Variants in VAC14 observed in about 807,000 individuals in gnomAD.
VAC14 encodes the protein protein VAC14 homolog.
A neutral mutation model predicts 85.3 loss-of-function variants in VAC14; 47 were observed. That is an observed-to-expected ratio of 0.55 (90% confidence interval 0.44 to 0.70). The LOEUF is 0.70. VAC14 is among the 30% of genes least tolerant of loss of function. The pLI is 0.00. For missense variants in VAC14, 861 were observed against 1,004.3 expected (o/e 0.86, Z 1.93); for synonymous variants, 447 against 430.5 (o/e 1.04, Z -0.47).
chr16:70,695,876 G>C, intron 16 of VAC14: 1 of 398,052 alleles, frequency 2.5e-6, no homozygotes, highest in Non-Finnish European at 4.6e-6. Context: ...GGCTGGGAGA[G>C]GCTCTTATCA....
At chr16:70,776,082 C>T (rs1208209534) in intron 9 of VAC14, among the ~76,000 whole-genome samples, 1 of 152,066 alleles carries the variant, frequency 6.6e-6, no homozygotes, top group Admixed American at 6.6e-5. Flanking sequence ...TAAAATGACA[C>T]CCACCATAAG....
intron 13 of VAC14, among the ~76,000 whole-genome samples, chr16:70,742,411 A>C (rs1597918655): frequency 6.9e-6 from 1 of 145,452 alleles, no homozygotes. Flanking sequence ...CCCACACTCC[A>C]CCTCTGGCAT....
chr16:70,702,816 G>C (rs529779052), intron 14 of VAC14, among the ~76,000 whole-genome samples: 62 of 152,300 alleles, frequency 4.1e-4, no homozygotes, highest in Admixed American at 2.7e-3. Flanking sequence ...TCCACACCGG[G>C]ATCTGTACAG....
intron 12 of VAC14, among the ~76,000 whole-genome samples, chr16:70,761,773 T>G (rs1428375037): frequency 6.6e-6 from 1 of 152,066 alleles, no homozygotes; most frequent in Non-Finnish European, 1.5e-5. Context: ...AAGGCAAAGC[T>G]TAAGGGTCCA....
At chr16:70,724,645 G>A (rs113135491) in intron 14 of VAC14, among the ~76,000 whole-genome samples, 3,188 of 152,290 alleles carry the variant, frequency 0.021, 97 homozygotes, top group African/African-American at 0.071. Flanking sequence ...AGCGGCTCCT[G>A]CTGCACACAC....
chr16:70,790,673 C>A (rs936164723), intron 1 of VAC14, among the ~76,000 whole-genome samples: 3 of 152,082 alleles, frequency 2.0e-5, no homozygotes, highest in African/African-American at 7.2e-5. Flanking sequence ...TCCCTCCCCA[C>A]CCCCTCACCT....
chr16:70,725,239 C>CTCGAGAT (rs1408700104), intron 14 of VAC14, among the ~76,000 whole-genome samples: 2 of 152,230 alleles, frequency 1.3e-5, no homozygotes, highest in Non-Finnish European at 2.9e-5. Context: ...GCCAAATGGA[C>CTCGAGAT]TCGAGATTCG....
At chr16:70,777,097 G>A (rs984200131) in intron 9 of VAC14, among the ~76,000 whole-genome samples, 2 of 150,170 alleles carry the variant, frequency 1.3e-5, no homozygotes, top group East Asian at 2.0e-4. Flanking sequence ...GTGAGCCACC[G>A]CGTCTGGCCC....
rs945618654 is a variant in VAC14, at chr16:70,786,134, C to T, written c.255+81G>A. On this transcript the variant is annotated intron_variant, in intron 2 of 18. Transcript: ENST00000261776. ...ATAGGTCTGCAATGCCCTACTGGGTCTTGACAGGGAAGGCATCGGGATGGC... is the reference window on the plus strand; with the variant it reads ...ATAGGTCTGCAATGCCCTACTGGGTTTTGACAGGGAAGGCATCGGGATGGC... The T allele has an allele frequency of 2.6e-6, 4 of 1,561,838 alleles. No homozygotes were observed. The South Asian group carries it at 3.6e-5, about 14-fold the overall frequency.
At chr16:70,708,496 C>G (rs1567529008) in intron 14 of VAC14, among the ~76,000 whole-genome samples, 1 of 152,126 alleles carries the variant, frequency 6.6e-6, no homozygotes, top group East Asian at 1.9e-4. Flanking sequence ...GTGTCTGGCT[C>G]TGGCGGAAGC....
chr16:70,709,068 G>C (rs1034705219), intron 14 of VAC14, among the ~76,000 whole-genome samples: 2 of 152,188 alleles, frequency 1.3e-5, no homozygotes, highest in Non-Finnish European at 2.9e-5. Flanking sequence ...CTCCAAGCTG[G>C]AATCACCATT....
At chr16:70,748,406 A>T (rs1248653367) in intron 12 of VAC14, among the ~76,000 whole-genome samples, 1 of 152,206 alleles carries the variant, frequency 6.6e-6, no homozygotes, top group Non-Finnish European at 1.5e-5. Flanking sequence ...CCCAGTGATG[A>T]TGCCTGGGGG....
intron 14 of VAC14, among the ~76,000 whole-genome samples, chr16:70,724,845 C>T (rs2054382273): frequency 6.6e-6 from 1 of 152,238 alleles, no homozygotes; most frequent in Non-Finnish European, 1.5e-5. Context: ...GTTCAATGTC[C>T]TGTCTCCCTC....
At chr16:70,689,810 C>A in intron 18 of VAC14, 1 of 985,474 alleles carries the variant, frequency 1.0e-6, no homozygotes, top group Non-Finnish European at 1.2e-6. Flanking sequence ...GGGAAGGGAC[C>A]TCCCAGGCAC....
At chr16:70,777,603 G>A (rs1399207167) in intron 9 of VAC14, among the ~76,000 whole-genome samples, 1 of 152,216 alleles carries the variant, frequency 6.6e-6, no homozygotes, top group Non-Finnish European at 1.5e-5. Flanking sequence ...GGCCCCAAGT[G>A]GCAGGCCAAG....
At chr16:70,693,146 G>C (rs1338806181) in intron 17 of VAC14, among the ~76,000 whole-genome samples, 175 bp from the exon 18 acceptor site, 1 of 152,222 alleles carries the variant, frequency 6.6e-6, no homozygotes, top group Non-Finnish European at 1.5e-5. Context: ...CAGCGAGTCA[G>C]GGGCTCCTTC....
At chr16:70,777,827 C>T (rs1341770317) in intron 9 of VAC14, among the ~76,000 whole-genome samples, 1 of 152,238 alleles carries the variant, frequency 6.6e-6, no homozygotes, top group East Asian at 1.9e-4. Context: ...GGTCCTGTCT[C>T]CAGCCAGGTG....
intron 17 of VAC14, among the ~76,000 whole-genome samples, chr16:70,695,306 T>A (rs1271673140): frequency 6.6e-6 from 1 of 152,054 alleles, no homozygotes; most frequent in Non-Finnish European, 1.5e-5. Context: ...GCAGATGAGA[T>A]CTCACTATGG....
Position 70,762,927 on chromosome 16 carries a change from G to A in VAC14, c.1259C>T (p.Ala420Val). Residue 420 changes from alanine (A) to valine (V), a missense_variant, in exon 11 of 19, where the codon GCA (alanine) becomes GTA (valine). This residue lies in a region of VAC14 where 629 missense variants were observed against 703.1 expected (regional missense o/e 0.89). Transcript: ENST00000261776. This position sits in a 1 kb window ranked among gnomAD's most constrained non-coding sequence, Gnocchi z 4.1. ...DTAIGMMTRI[A>V]VLKWLYHLYI... ...GAGGTGGTAGAGCCACTTGAGAACT[G>A]CAATCCTGGTCATCATCCCAATGGC... 2 of 1,614,204 alleles carry A rather than the reference G, an allele frequency of 1.2e-6. No homozygotes were observed. Among genetic ancestry groups the A allele is most frequent in the Non-Finnish European group, 1.7e-6 (2 of 1,180,046 alleles).
Sources: allele counts gnomAD v4.1 joint callset (sites outside exome capture counted in the v4.1 genomes callset), GRCh38; gene constraint gnomAD v4.1.1; regional missense constraint gnomAD v4.1.1; non-coding constraint Gnocchi (gnomAD v3.1); transcripts MANE v1.5; gene names NCBI Gene and HGNC (gene_info 2026-07-23, HGNC 2026-07-21).